Variants in RALGPS2 observed in about 807,000 individuals in gnomAD.
RALGPS2 encodes ras-specific guanine nucleotide-releasing factor RalGPS2.
In RALGPS2, 43 loss-of-function variants were observed where a neutral mutation model predicts 86.8. That is an observed-to-expected ratio of 0.50 (90% CI 0.39 to 0.64). RALGPS2 has a LOEUF of 0.64. Ranked by LOEUF, RALGPS2 falls within the 30% of genes least tolerant of loss-of-function variation. The pLI, the probability that RALGPS2 is intolerant of heterozygous loss-of-function variation, is 0.00. For missense variants in RALGPS2, 536 were observed against 694.6 expected, an observed-to-expected ratio of 0.77 and a Z score of 2.57; for synonymous variants, 243 against 231.3, an observed-to-expected ratio of 1.05 and a Z score of -0.46.
At chr1:178,823,899 A>C (rs1030003448) in intron 7 of RALGPS2, among the ~76,000 whole-genome samples, 4 of 152,180 alleles carry the variant, frequency 2.6e-5, no homozygotes, top group African/African-American at 9.7e-5. Flanking sequence ...TGTTATAATC[A>C]TCAATGTAAA....
At chr1:178,875,609 G>A (rs1436430008) in intron 8 of RALGPS2, among the ~76,000 whole-genome samples, 5 of 152,024 alleles carry the variant, frequency 3.3e-5, no homozygotes, top group Non-Finnish European at 7.4e-5. Context: ...CTACCCAGGC[G>A]TGGTTGCGCA....
At chr1:178,784,008 A>G (rs1653521767) in intron 2 of RALGPS2, among the ~76,000 whole-genome samples, 1 of 152,164 alleles carries the variant, frequency 6.6e-6, no homozygotes, top group Admixed American at 6.5e-5. Flanking sequence ...ATATTTTCTG[A>G]TAACTTGTTA....
intron 18 of RALGPS2, 134 bp from the exon 19 acceptor site, chr1:178,906,641 TA>T (rs1558181196): frequency 1.6e-6 from 1 of 639,096 alleles, no homozygotes; most frequent in Non-Finnish European, 2.7e-6. Flanking sequence ...GGAAATACAA[TA>T]AAATGGAGGT....
At chr1:178,821,916 G>C (rs1304497051) in intron 7 of RALGPS2, among the ~76,000 whole-genome samples, 2 of 152,056 alleles carry the variant, frequency 1.3e-5, no homozygotes, top group African/African-American at 4.8e-5. Flanking sequence ...TTGGTGCTTA[G>C]TTTTTGCTCC....
intron 8 of RALGPS2, among the ~76,000 whole-genome samples, chr1:178,834,188 C>A (rs1005364025): frequency 1.3e-5 from 2 of 152,004 alleles, no homozygotes; most frequent in Non-Finnish European, 2.9e-5. Flanking sequence ...ATAAGTTGTT[C>A]TTTTAAATAG....
chr1:178,847,344 G>A (rs952892986), intron 8 of RALGPS2, among the ~76,000 whole-genome samples: 14 of 152,182 alleles, frequency 9.2e-5, no homozygotes, highest in Non-Finnish European at 7.3e-5. Flanking sequence ...TACTGGGGAG[G>A]CTGAGGCAGG....
chr1:178,854,524 T>G (rs1657401138), intron 8 of RALGPS2, among the ~76,000 whole-genome samples: 1 of 152,124 alleles, frequency 6.6e-6, no homozygotes, highest in African/African-American at 2.4e-5. Flanking sequence ...TAACAGCCCA[T>G]GAGAATACAT....
At chr1:178,786,907 G>A (rs909749228) in intron 4 of RALGPS2, among the ~76,000 whole-genome samples, 1 of 151,828 alleles carries the variant, frequency 6.6e-6, no homozygotes, top group African/African-American at 2.4e-5. Flanking sequence ...TCCTGTCTTA[G>A]TATCTCAAAT....
At chr1:178,853,691 A>G in intron 8 of RALGPS2, 1 of 1,613,192 alleles carries the variant, frequency 6.2e-7, no homozygotes, top group African/African-American at 1.3e-5. Context: ...TTCACACCAT[A>G]ACTGCATTGG....
At chr1:178,841,150 T>G (rs1656584612) in intron 8 of RALGPS2, among the ~76,000 whole-genome samples, 1 of 151,810 alleles carries the variant, frequency 6.6e-6, no homozygotes, top group Non-Finnish European at 1.5e-5. Flanking sequence ...ACTCATTTTA[T>G]GAGGCCAGCA....
intron 1 of RALGPS2, among the ~76,000 whole-genome samples, chr1:178,758,424 T>A (rs190006111): frequency 3.9e-5 from 6 of 152,312 alleles, no homozygotes; most frequent in African/African-American, 1.4e-4. Flanking sequence ...TTAGTTATTT[T>A]AAAATGTACA....
chr1:178,732,886 A>G (rs1279860794), intron 1 of RALGPS2, among the ~76,000 whole-genome samples: 1 of 152,116 alleles, frequency 6.6e-6, no homozygotes, highest in African/African-American at 2.4e-5. Context: ...GTTAAACCCT[A>G]TTTAGCTGTG....
In RALGPS2 at chr1:178,916,381, G is replaced by T; in HGVS notation, c.*22G>T. 2 of 1,590,926 alleles carry T rather than the reference G, an allele frequency of 1.3e-6. No homozygotes were observed. The highest frequency in any genetic ancestry group is 1.7e-6 in the Non-Finnish European group (2 of 1,160,460). ...GTAGAAGCCTGAGAAAAAAAGAGAG[G>T]TGAACTGTTGCTTCTACGTGAGCAT... On this transcript the variant is annotated 3_prime_UTR_variant, in exon 20 of 20. Coordinates refer to ENST00000367635, the MANE Select transcript of RALGPS2 (RefSeq NM_152663.5).
Position 178,865,154 on chromosome 1 carries a change from T to C in RALGPS2, c.608-12344T>C, listed in dbSNP as rs200355982. 3.4e-5 allele frequency: 55 copies of C among 1,604,250 alleles called. No homozygotes were observed. Among genetic ancestry groups the C allele is most frequent in the Non-Finnish European group, 4.6e-5 (54 of 1,173,624 alleles). ...GACAAGTGGGGGAGACACATGGGTGTCTTGTCGGGAAAATATCCTCAAGCA... is the reference window on the plus strand; with the variant it reads ...GACAAGTGGGGGAGACACATGGGTGCCTTGTCGGGAAAATATCCTCAAGCA... On this transcript the variant is annotated intron_variant, in intron 8 of 19. Transcript: ENST00000367635.
At chr1:178,824,440 G>A (rs1007265313) in intron 7 of RALGPS2, among the ~76,000 whole-genome samples, 3 of 152,142 alleles carry the variant, frequency 2.0e-5, no homozygotes, top group Admixed American at 1.3e-4. Flanking sequence ...AGAGAATGAG[G>A]AATTATACCA....
At chr1:178,859,790 C>T (rs1388491459) in intron 8 of RALGPS2, among the ~76,000 whole-genome samples, 3 of 127,464 alleles carry the variant, frequency 2.4e-5, no homozygotes, top group Non-Finnish European at 3.4e-5. Context: ...CTCTGCCTCC[C>T]GGGTTCATGC....
At chr1:178,845,401 G>A (rs1323991562) in intron 8 of RALGPS2, among the ~76,000 whole-genome samples, 1 of 152,022 alleles carries the variant, frequency 6.6e-6, no homozygotes, top group Non-Finnish European at 1.5e-5. Context: ...GTAATATAGT[G>A]TTCCTTGCCT....
chr1:178,843,127 A>T (rs1183011168), intron 8 of RALGPS2, among the ~76,000 whole-genome samples: 112 of 141,900 alleles, frequency 7.9e-4, no homozygotes, highest in African/African-American at 2.3e-3. Context: ...TAGAATTACC[A>T]TTTGACCCAG....
intron 1 of RALGPS2, among the ~76,000 whole-genome samples, chr1:178,754,347 T>C (rs1214634830): frequency 1.3e-5 from 2 of 152,142 alleles, no homozygotes; most frequent in African/African-American, 4.8e-5. Flanking sequence ...AGATATGCCA[T>C]TGGTAAGCTG....
Sources: gnomAD v4.1 joint callset for allele counts (sites outside exome capture counted in the v4.1 genomes callset) on GRCh38, gnomAD v4.1.1 for gene constraint, MANE v1.5 for transcripts, NCBI Gene and HGNC (gene_info 2026-07-23, HGNC 2026-07-21) for gene names.